Variants in STX1B observed in about 807,000 individuals in gnomAD.
The protein encoded by STX1B is syntaxin 1B.
Under a neutral mutation model 39.4 loss-of-function variants are expected in STX1B, and 7 were observed. The ratio of observed to expected loss-of-function variants is 0.18; its 90% confidence interval spans 0.10 to 0.33. The LOEUF (loss-of-function observed/expected upper bound fraction) is 0.33, where lower values mean the gene tolerates loss of function less well. Ranked by LOEUF, STX1B falls within the 10% of genes least tolerant of loss-of-function variation. The pLI is 1.00. For missense variants in STX1B, 198 were observed against 383.2 expected (o/e 0.52, Z 4.04); for synonymous variants, 136 against 144.1 (o/e 0.94, Z 0.40).
At chr16:31,006,359 C>T (rs1415779439) in intron 1 of STX1B, among the ~76,000 whole-genome samples, 1 of 152,180 alleles carries the variant, frequency 6.6e-6, no homozygotes, top group South Asian at 2.1e-4. Context: ...TTACCCCCTG[C>T]CCCTTTCTCA....
chr16:31,009,742 C>T lies in STX1B; in HGVS notation c.30+625G>A, dbSNP rs2056671636. Among the ~76,000 whole-genome samples, 2 of 151,730 alleles carry T rather than the reference C, an allele frequency of 1.3e-5. 1 individual carries two copies. The highest frequency in any genetic ancestry group is 4.2e-4 in the South Asian group (2 of 4,788). On this transcript the variant is annotated intron_variant, in intron 1 of 9. Transcript: ENST00000215095. ...AGAGCACGGCCCGTGTTCCATGGCCCTCTCCTCTGCATCCCCATCTCCCAC... is the reference window on the plus strand; with the variant it reads ...AGAGCACGGCCCGTGTTCCATGGCCTTCTCCTCTGCATCCCCATCTCCCAC...
At chr16:30,994,892 C>CTTTTTTTTTGTTTTTTTTT (rs2056583563) in intron 7 of STX1B, among the ~76,000 whole-genome samples, 1 of 99,810 alleles carries the variant, frequency 1.0e-5, no homozygotes, top group Non-Finnish European at 2.0e-5. Flanking sequence ...GTCTCCCCGT[C>CTTTTTTTTTGTTTTTTTTT]TTTTTTTTTT....
chr16:31,005,470 C>CTTTTTTTTTTTT (rs35407745), intron 1 of STX1B, among the ~76,000 whole-genome samples: 1 of 113,730 alleles, frequency 8.8e-6, no homozygotes. Context: ...TTTCTTTTTC[C>CTTTTTTTTTTTT]TTTTTTTTTT....
chr16:30,997,090 A>C, intron 5 of STX1B, 31 bp from the exon 6 acceptor site: 1 of 1,492,374 alleles, frequency 6.7e-7, no homozygotes, highest in South Asian at 1.1e-5. Flanking sequence ...CAGACGGATC[A>C]GGGAGGTAGT....
chr16:31,007,600 C>G (rs1233495845), intron 1 of STX1B, among the ~76,000 whole-genome samples: 1 of 152,208 alleles, frequency 6.6e-6, no homozygotes, highest in East Asian at 1.9e-4. Context: ...ACGCAGAAAA[C>G]CCTGGTTCAA....
Position 30,997,590 on chromosome 16 carries a change from G to A in STX1B, c.281-15C>T. 1 of 1,600,312 alleles carries A rather than the reference G, an allele frequency of 6.2e-7. No individual in the cohort carries two copies. Among genetic ancestry groups the A allele is most frequent in the Admixed American group, 1.7e-5 (1 of 57,186 alleles). On this transcript the variant is annotated splice_polypyrimidine_tract_variant and intron_variant, in intron 4 of 9. Coordinates refer to ENST00000215095, the MANE Select transcript of STX1B (RefSeq NM_052874.5). ...TTGCTCGATCGCTGCGGGAGAGAGG[G>A]CGCAGCGATGGGCGGGAGACCCGGG...
rs922905335 is a variant in STX1B, at chr16:30,989,328, C to T, written c.*3493G>A. On this transcript the variant is annotated 3_prime_UTR_variant, in exon 10 of 10. Transcript: ENST00000215095. The stretch of plus-strand genomic sequence containing the variant: ...CTGGCCCAGGGTGGGGTGGGGGGCT[C>T]TGGGGACAGGACATGCAGGGAGGAA... 1 of 151,464 alleles carries T rather than the reference C, an allele frequency of 6.6e-6. No individual in the cohort carries two copies. Among genetic ancestry groups the T allele is most frequent in the Non-Finnish European group, 1.5e-5 (1 of 67,840 alleles). The allele number at this position is 151,464 out of a possible 1,614,324, so 9.4% of individuals were successfully genotyped here. A position where few individuals can be genotyped will look rare whatever the true frequency, so the allele number is the denominator to read the frequency against.
At chr16:30,996,785 G>C (rs2056594732) in intron 6 of STX1B, 29 bp from the exon 7 acceptor site, 1 of 1,612,964 alleles carries the variant, frequency 6.2e-7, no homozygotes, top group Non-Finnish European at 8.5e-7. Flanking sequence ...CCCTGCTCGG[G>C]GGCTGGGACA....
At chr16:31,008,647 C>T (rs1425358069) in intron 1 of STX1B, among the ~76,000 whole-genome samples, 3 of 152,138 alleles carry the variant, frequency 2.0e-5, no homozygotes, top group East Asian at 1.9e-4. Flanking sequence ...AGAGCCTCCC[C>T]GTCCACTTGC....
At chr16:30,994,892 C>CTTTTTTTTTTTTTTTTTTTTTTTTTTTTG (rs10524041) in intron 7 of STX1B, among the ~76,000 whole-genome samples, 1 of 99,810 alleles carries the variant, frequency 1.0e-5, no homozygotes, top group Non-Finnish European at 2.0e-5. Context: ...GTCTCCCCGT[C>CTTTTTTTTTTTTTTTTTTTTTTTTTTTTG]TTTTTTTTTT....
At chr16:31,000,837 A>T in intron 4 of STX1B, 91 bp downstream of exon 4, 1 of 1,285,798 alleles carries the variant, frequency 7.8e-7, no homozygotes, top group Non-Finnish European at 1.1e-6. Flanking sequence ...GGGATTGAGC[A>T]ATTGGCCCCG....
chr16:31,005,409 G>T (rs2056649974), intron 1 of STX1B, among the ~76,000 whole-genome samples: 1 of 151,482 alleles, frequency 6.6e-6, no homozygotes, highest in South Asian at 2.1e-4. Context: ...ACATATATGT[G>T]CTGATTACCA....
chr16:31,003,513 C>T (rs969770185), intron 1 of STX1B, among the ~76,000 whole-genome samples: 1 of 152,374 alleles, frequency 6.6e-6, no homozygotes, highest in African/African-American at 2.4e-5. Flanking sequence ...CAACCACTCA[C>T]TCAGCCACCA....
At position 30,996,890 on chromosome 16, in the gene STX1B, C is replaced by T. The variant is rs1052845272; in HGVS notation, c.463+61G>A. 31 of 1,572,168 alleles carry T rather than the reference C, an allele frequency of 2.0e-5. No homozygotes were observed. In the African/African-American group the frequency reaches 3.9e-4, roughly 20 times the overall value. On this transcript the variant is annotated intron_variant, in intron 6 of 9. Coordinates refer to ENST00000215095, the MANE Select transcript of STX1B (RefSeq NM_052874.5). ...GGGGCCCCCTCCAGAGAGGAAATGC[C>T]TGGAAGGGGGCTTGGGCAGCCTCAA... is the stretch of plus-strand genomic sequence containing the variant.
intron 4 of STX1B, among the ~76,000 whole-genome samples, chr16:31,000,329 T>G (rs1316056353): frequency 7.0e-4 from 16 of 22,810 alleles, no homozygotes; most frequent in African/African-American, 1.8e-3. Flanking sequence ...TTGTTTGTTT[T>G]TTGTTTTTTT....
rs1307793250 is a variant in STX1B, at chr16:31,000,325, GTTTTTTGTTTTT to G, written c.280+591_280+602del. On this transcript the variant is annotated intron_variant, in intron 4 of 9. Transcript: ENST00000215095. Reference sequence around the variant, plus strand: ...CCAGTCCCTTTTTTTTTGTTTGTTTGTTTTTTGTTTTTTTTTTTTTTGTTTGAGACAGGGTCT... The same window carrying G: ...CCAGTCCCTTTTTTTTTGTTTGTTTGTTTTTTTTTGTTTGAGACAGGGTCT... Among the ~76,000 whole-genome samples, 86 of 37,172 alleles carry G rather than the reference GTTTTTTGTTTTT, an allele frequency of 2.3e-3. 1 individual carries two copies. In the South Asian group the frequency reaches 0.11, roughly 48 times the overall value. 24.4% of individuals were successfully genotyped at this position (37,172 alleles called of 152,430 possible).
rs890702552 is a variant in STX1B, at chr16:30,990,607, C to G, written c.*2214G>C. 2 of 152,344 alleles carry G rather than the reference C, an allele frequency of 1.3e-5. No individual in the cohort carries two copies. The highest frequency in any genetic ancestry group is 2.4e-5 in the African/African-American group (1 of 41,460). The allele number at this position is 152,344 out of a possible 1,614,324, so 9.4% of individuals were successfully genotyped here. A position where few individuals can be genotyped will look rare whatever the true frequency, so the allele number is the denominator to read the frequency against. On this transcript the variant is annotated 3_prime_UTR_variant, in exon 10 of 10. Coordinates refer to ENST00000215095, the MANE Select transcript of STX1B (RefSeq NM_052874.5). The stretch of plus-strand genomic sequence containing the variant: ...CCTGGGACCCTGGGGTCCGCACACA[C>G]ACACCGAGTGCCTTGCCTGTGCACA...
rs201313891 is a variant in STX1B at position 30,997,074 on chromosome 16, G to C, written c.355-15C>G. On this transcript the variant is annotated splice_polypyrimidine_tract_variant and intron_variant, in intron 5 of 9. Coordinates refer to ENST00000215095, the MANE Select transcript of STX1B (RefSeq NM_052874.5). ...AGTGTGGAGTGCTACGGTGGGGGTG[G>C]GGGGACAGACGGATCAGGGAGGTAG... The C allele has an allele frequency of 3.2e-6, 5 of 1,576,642 alleles. No individual in the cohort carries two copies. The Admixed American group carries it at 6.7e-5, about 21-fold the overall frequency.
chr16:30,997,710 G>A, intron 4 of STX1B, 135 bp from the exon 5 acceptor site: 2 of 800,482 alleles, frequency 2.5e-6, no homozygotes, highest in African/African-American at 1.8e-5. Flanking sequence ...CGAGTTGCGG[G>A]CAGCGGTGCC....
Sources: gnomAD v4.1 joint callset for allele counts (sites outside exome capture counted in the v4.1 genomes callset) on GRCh38, gnomAD v4.1.1 for gene constraint, MANE v1.5 for transcripts, NCBI Gene and HGNC (gene_info 2026-07-23, HGNC 2026-07-21) for gene names.